STX8: variants seen among roughly 807,000 people sequenced by gnomAD.
STX8 encodes the protein syntaxin-8.
Under a neutral mutation model 37.5 loss-of-function variants are expected in STX8, and 23 were observed. The observed-to-expected ratio is 0.61, with a 90% CI of 0.44 to 0.87. The LOEUF (loss-of-function observed/expected upper bound fraction) is 0.87. Among genes scored for constraint, STX8 ranks in the 40% least tolerant of loss-of-function variants. The pLI is 0.00. For synonymous variants in STX8, 115 were observed against 99.1 expected (o/e 1.16, Z -0.95); for missense variants, 313 against 284.7 (o/e 1.10, Z -0.71).
intron 6 of STX8, among the ~76,000 whole-genome samples, chr17:9,491,244 C>A (rs1906839402): frequency 6.6e-6 from 1 of 152,034 alleles, no homozygotes; most frequent in African/African-American, 2.4e-5. Flanking sequence ...ACTGGCAATC[C>A]CGTGCCCCCG....
At chr17:9,403,816 CTTTGTATTTTTAGTAG>C (rs1912710572) in intron 6 of STX8, among the ~76,000 whole-genome samples, 1 of 151,786 alleles carries the variant, frequency 6.6e-6, no homozygotes, top group Non-Finnish European at 1.5e-5. Flanking sequence ...CTGGCTAATT[CTTTGTATTTTTAGTAG>C]AGACGGGGTT....
chr17:9,282,333 C>T lies in STX8; in HGVS notation c.644-31688G>A, dbSNP rs144897963. Among the ~76,000 whole-genome samples the T allele has an allele frequency of 4.5e-3, 688 of 152,220 alleles. 6 individuals carry two copies. Among genetic ancestry groups the T allele is most frequent in the African/African-American group, 0.016 (648 of 41,526 alleles). On this transcript the variant is annotated intron_variant, in intron 7 of 7. Coordinates refer to ENST00000306357, the MANE Select transcript of STX8 (RefSeq NM_004853.3). ...ATTTTTAGTAGAGACAGGGTTTCACCGTGTTAGCCAGGCTGGTCTCAAACT... is the reference window on the plus strand; with the variant it reads ...ATTTTTAGTAGAGACAGGGTTTCACTGTGTTAGCCAGGCTGGTCTCAAACT...
At chr17:9,322,814 T>TAAAAAAAAAAAA (rs59941529) in intron 7 of STX8, among the ~76,000 whole-genome samples, 1 of 64,674 alleles carries the variant, frequency 1.5e-5, no homozygotes, top group African/African-American at 6.3e-5. Context: ...GTGCATTTGC[T>TAAAAAAAAAAAA]AAAAAAAAAA....
intron 6 of STX8, among the ~76,000 whole-genome samples, chr17:9,442,522 T>C (rs1410214846): frequency 2.0e-5 from 3 of 152,200 alleles, no homozygotes; most frequent in Non-Finnish European, 4.4e-5. Flanking sequence ...TTCTCCTGCC[T>C]CAGCCTCTCA....
intron 7 of STX8, among the ~76,000 whole-genome samples, chr17:9,331,785 CT>C (rs372487953): frequency 3.3e-4 from 50 of 152,246 alleles, no homozygotes; most frequent in East Asian, 9.6e-4. Context: ...TCCCTCCCCC[CT>C]CTCTGCCTTT....
In STX8 at chr17:9,544,836, C is replaced by CA. The variant is rs766149459; in HGVS notation, c.323+335dup. Reference sequence around the variant, plus strand: ...TGAAACCCCATCTCTACTAAAAATACAAAAAATTAGTCGGGCACGGTGGCG... The same window carrying CA: ...TGAAACCCCATCTCTACTAAAAATACAAAAAAATTAGTCGGGCACGGTGGCG... On this transcript the variant is annotated intron_variant, in intron 4 of 7. Transcript: ENST00000306357. Among the ~76,000 whole-genome samples the CA allele has an allele frequency of 3.3e-5, 5 of 152,038 alleles. No homozygotes were observed. The South Asian group carries it at 6.3e-4, about 19-fold the overall frequency.
intron 7 of STX8, among the ~76,000 whole-genome samples, chr17:9,268,781 C>A (rs923813210): frequency 2.6e-5 from 4 of 152,216 alleles, no homozygotes; most frequent in African/African-American, 4.8e-5. Flanking sequence ...AACAATGTCA[C>A]TACTGAGCCT....
chr17:9,568,731 A>T (rs1907562733), intron 1 of STX8, among the ~76,000 whole-genome samples: 1 of 152,082 alleles, frequency 6.6e-6, no homozygotes, highest in Non-Finnish European at 1.5e-5. Context: ...CGATCTCCTG[A>T]CCTCGTGATC....
chr17:9,305,096 ATTAT>A (rs1193495068), intron 7 of STX8, among the ~76,000 whole-genome samples: 1 of 151,578 alleles, frequency 6.6e-6, no homozygotes, highest in Admixed American at 6.6e-5. Context: ...AAATATTATT[ATTAT>A]TATTATTTTT....
intron 6 of STX8, among the ~76,000 whole-genome samples, chr17:9,390,418 A>G (rs1912172817): frequency 6.6e-6 from 1 of 152,048 alleles, no homozygotes; most frequent in Admixed American, 6.6e-5. Flanking sequence ...GCTACTCAGG[A>G]GGCTGAGACA....
intron 6 of STX8, among the ~76,000 whole-genome samples, chr17:9,463,368 C>G (rs370220567): frequency 6.6e-6 from 1 of 152,332 alleles, no homozygotes; most frequent in African/African-American, 2.4e-5. Flanking sequence ...GTTTCGCTAT[C>G]ACAGAATTAC....
intron 6 of STX8, among the ~76,000 whole-genome samples, chr17:9,476,391 C>A (rs1000326676): frequency 2.6e-5 from 4 of 151,964 alleles, no homozygotes; most frequent in African/African-American, 7.3e-5. Context: ...AACTTTCTCA[C>A]AATTCTTGAG....
At chr17:9,263,185 A>G (rs926469832) in intron 7 of STX8, among the ~76,000 whole-genome samples, 3 of 148,796 alleles carry the variant, frequency 2.0e-5, no homozygotes, top group Non-Finnish European at 4.5e-5. Flanking sequence ...AAAAATAAGC[A>G]AAAAGGGACG....
intron 3 of STX8, chr17:9,556,784 TATATATATATACAC>T (rs1567609074): frequency 8.6e-5 from 2 of 23,250 alleles, no homozygotes; most frequent in Non-Finnish European, 1.8e-4. Context: ...TATATATATA[TATATATATATACAC>T]ATACATATAT....
chr17:9,289,801 A>AACAAC (rs1330140881), intron 7 of STX8, among the ~76,000 whole-genome samples: 38 of 152,198 alleles, frequency 2.5e-4, no homozygotes, highest in African/African-American at 8.9e-4. Context: ...AACAAAACAA[A>AACAAC]ACACACAAAG....
intron 1 of STX8, 102 bp downstream of exon 1, chr17:9,575,690 C>T (rs941970267): frequency 1.4e-6 from 2 of 1,430,186 alleles, no homozygotes; most frequent in Non-Finnish European, 1.9e-6. Flanking sequence ...TCCCCTCATC[C>T]CGAAAGGCCA....
At chr17:9,450,176 T>C (rs1339943687) in intron 6 of STX8, among the ~76,000 whole-genome samples, 2 of 151,736 alleles carry the variant, frequency 1.3e-5, no homozygotes, top group Non-Finnish European at 2.9e-5. Context: ...CCTCCCAGGC[T>C]CAAGTGATTC....
chr17:9,459,806 C>T (rs1279239646), intron 6 of STX8, among the ~76,000 whole-genome samples: 1 of 152,268 alleles, frequency 6.6e-6, no homozygotes. Flanking sequence ...TGAACCACCA[C>T]GCCTGGCCAA....
intron 6 of STX8, among the ~76,000 whole-genome samples, chr17:9,475,955 C>T (rs1182184455): frequency 1.3e-5 from 2 of 152,152 alleles, no homozygotes; most frequent in Non-Finnish European, 2.9e-5. Flanking sequence ...TCAAGGTCGG[C>T]GGATCACGAG....
Sources: allele counts gnomAD v4.1 joint callset (sites outside exome capture counted in the v4.1 genomes callset), GRCh38; gene constraint gnomAD v4.1.1; transcripts MANE v1.5; gene names NCBI Gene and HGNC (gene_info 2026-07-23, HGNC 2026-07-21).